SEMA3E: variants seen among roughly 807,000 people sequenced by gnomAD.
SEMA3E encodes semaphorin 3E, also known as semaphorin-3E.
Under a neutral mutation model 93.6 loss-of-function variants are expected in SEMA3E, and 49 were observed. That is an observed-to-expected ratio of 0.52 (90% CI 0.42 to 0.66). SEMA3E has a LOEUF of 0.66. SEMA3E is among the 30% of genes least tolerant of loss of function. SEMA3E has a pLI of 0.00. For synonymous variants in SEMA3E, 363 were observed against 330.7 expected (o/e 1.10, Z -1.06); for missense variants, 906 against 964.8 (o/e 0.94, Z 0.81).
chr7:83,543,658 C>T (rs1397297119), intron 1 of SEMA3E, among the ~76,000 whole-genome samples: 1 of 152,050 alleles, frequency 6.6e-6, no homozygotes, highest in Non-Finnish European at 1.5e-5. Context: ...AAAGTGAATT[C>T]CTCCTGGCAG....
intron 1 of SEMA3E, among the ~76,000 whole-genome samples, chr7:83,543,872 A>C (rs963282871): frequency 1.3e-5 from 2 of 152,090 alleles, no homozygotes; most frequent in East Asian, 3.8e-4. Context: ...TATCAAGGTA[A>C]TGTTTATAGC....
At chr7:83,487,335 G>A (rs926522612) in intron 2 of SEMA3E, among the ~76,000 whole-genome samples, 5 of 152,114 alleles carry the variant, frequency 3.3e-5, no homozygotes, top group African/African-American at 1.2e-4. Context: ...CACTCCATAA[G>A]AGTCACATAA....
chr7:83,545,747 ATG>A (rs146370090), intron 1 of SEMA3E, among the ~76,000 whole-genome samples: 5 of 148,562 alleles, frequency 3.4e-5, no homozygotes, highest in African/African-American at 9.8e-5. Context: ...ATGTATATGT[ATG>A]TGTGTGTGTG....
intron 1 of SEMA3E, among the ~76,000 whole-genome samples, chr7:83,564,863 G>C (rs1792108843): frequency 6.6e-6 from 1 of 152,104 alleles, no homozygotes; most frequent in Non-Finnish European, 1.5e-5. Context: ...TATGGAAGGA[G>C]ATAGAGACAT....
intron 1 of SEMA3E, among the ~76,000 whole-genome samples, chr7:83,546,012 A>T (rs2115782663): frequency 6.8e-6 from 1 of 146,840 alleles, no homozygotes; most frequent in Admixed American, 6.9e-5. Flanking sequence ...ATATAAAAAT[A>T]TTATATATTA....
At chr7:83,581,090 A>G (rs17157869) in intron 1 of SEMA3E, among the ~76,000 whole-genome samples, 15,017 of 152,058 alleles carry the variant, frequency 0.099, 977 homozygotes, top group East Asian at 0.2. Flanking sequence ...CAAAAGTAAC[A>G]TCAGAACACA....
intron 1 of SEMA3E, among the ~76,000 whole-genome samples, chr7:83,585,448 T>A (rs956345122): frequency 6.6e-6 from 1 of 152,192 alleles, no homozygotes; most frequent in African/African-American, 2.4e-5. Context: ...CAATGGTGAA[T>A]AAGTGAATGA....
rs1562768856 is a variant in SEMA3E, at chr7:83,408,427, CG to C, written c.610del (p.Arg204AlafsTer19). The C allele has an allele frequency of 1.2e-6, 2 of 1,613,746 alleles. No homozygotes were observed. The highest frequency in any genetic ancestry group is 2.2e-5 in the South Asian group (2 of 91,086). On this transcript the variant is annotated frameshift_variant, in exon 6 of 17. Transcript: ENST00000643230. LOFTEE classifies it high-confidence loss of function. ...DYWSRDAAIF[R>X]SMGRLAHIRT... ...GATATGGGCCAGTCGCCCCATGCTG[CG>C]GAAGATCGCAGCGTCTCTGCTCCAG...
chr7:83,446,915 G>A lies in SEMA3E; in HGVS notation c.456+19567C>T, dbSNP rs1789242966. 2.0e-5 allele frequency among the ~76,000 whole-genome samples: 3 copies of A among 152,142 alleles called. No individual in the cohort carries two copies. In the South Asian group the frequency reaches 6.2e-4, roughly 32 times the overall value. ...GGCACAGGGTATGTACTTAATACAC[G>A]GTAGCTCTATTTATTAATATTCTTA... On this transcript the variant is annotated intron_variant, in intron 4 of 16. Transcript: ENST00000643230.
chr7:83,387,895 A>ATTATATATATGT, intron 14 of SEMA3E, among the ~76,000 whole-genome samples: 1 of 146,332 alleles, frequency 6.8e-6, no homozygotes, highest in African/African-American at 2.5e-5. Context: ...TATATATAAC[A>ATTATATATATGT]TTATATATAT....
intron 1 of SEMA3E, among the ~76,000 whole-genome samples, chr7:83,560,553 T>C (rs1403403242): frequency 6.6e-6 from 1 of 152,082 alleles, no homozygotes; most frequent in Admixed American, 6.6e-5. Flanking sequence ...ATGTTTTGCA[T>C]CTATTTGTAA....
At chr7:83,438,570 T>C (rs992057696) in intron 4 of SEMA3E, among the ~76,000 whole-genome samples, 1 of 152,036 alleles carries the variant, frequency 6.6e-6, no homozygotes, top group African/African-American at 2.4e-5. Context: ...TAGAAAACAA[T>C]AGTAGTGATA....
chr7:83,472,485 C>T (rs1002412223), intron 2 of SEMA3E, among the ~76,000 whole-genome samples: 1 of 152,104 alleles, frequency 6.6e-6, no homozygotes, highest in Non-Finnish European at 1.5e-5. Flanking sequence ...CTTAAGTCTC[C>T]TACTTAATAT....
At chr7:83,404,439 A>C (rs2115635215) in intron 9 of SEMA3E, among the ~76,000 whole-genome samples, 1 of 152,058 alleles carries the variant, frequency 6.6e-6, no homozygotes. Context: ...ATTCAGTAAT[A>C]TTATTCTAGC....
intron 1 of SEMA3E, among the ~76,000 whole-genome samples, chr7:83,604,467 A>G (rs1454701200): frequency 6.7e-6 from 1 of 150,114 alleles, no homozygotes; most frequent in Non-Finnish European, 1.5e-5. Flanking sequence ...TTTAAAATTA[A>G]CAATTTTAAA....
chr7:83,624,506 C>A (rs191697874), intron 1 of SEMA3E, among the ~76,000 whole-genome samples: 123 of 152,238 alleles, frequency 8.1e-4, no homozygotes, highest in African/African-American at 2.8e-3. Flanking sequence ...TGTTTGTTGG[C>A]CACTTAAGTG....
chr7:83,586,292 A>G (rs1792625351), intron 1 of SEMA3E, among the ~76,000 whole-genome samples: 2 of 152,158 alleles, frequency 1.3e-5, no homozygotes, highest in Admixed American at 1.3e-4. Context: ...CATTTACAAG[A>G]TAATTTGGAC....
At chr7:83,572,097 T>C (rs1021114112) in intron 1 of SEMA3E, among the ~76,000 whole-genome samples, 1 of 152,154 alleles carries the variant, frequency 6.6e-6, no homozygotes, top group Non-Finnish European at 1.5e-5. Flanking sequence ...TGGAAAAATA[T>C]TCTATGTTCA....
intron 4 of SEMA3E, among the ~76,000 whole-genome samples, chr7:83,434,150 A>G (rs1400011943): frequency 6.6e-6 from 1 of 152,088 alleles, no homozygotes; most frequent in Non-Finnish European, 1.5e-5. Context: ...TTCTAACAAC[A>G]CATTTGAGAA....
Sources: gnomAD v4.1 joint callset for allele counts (sites outside exome capture counted in the v4.1 genomes callset) on GRCh38, gnomAD v4.1.1 for gene constraint, MANE v1.5 for transcripts, NCBI Gene and HGNC (gene_info 2026-07-23, HGNC 2026-07-21) for gene names.